Variants in C5orf22 observed in about 807,000 individuals in gnomAD.
C5orf22 encodes chromosome 5 open reading frame 22.
Under a neutral mutation model 48.7 loss-of-function variants are expected in C5orf22, and 36 were observed. The observed-to-expected ratio is 0.74, with a 90% CI of 0.57 to 0.98. The LOEUF (loss-of-function observed/expected upper bound fraction) is 0.98. C5orf22 is among the 50% of genes least tolerant of loss of function. C5orf22 has a pLI of 0.00. For missense variants in C5orf22, 486 were observed against 521.9 expected, an observed-to-expected ratio of 0.93 and a Z score of 0.67; for synonymous variants, 141 against 180.8, an observed-to-expected ratio of 0.78 and a Z score of 1.76.
At chr5:31,537,205 T>C (rs1742149102) in intron 3 of C5orf22, among the ~76,000 whole-genome samples, 1 of 152,190 alleles carries the variant, frequency 6.6e-6, no homozygotes, top group Non-Finnish European at 1.5e-5. Context: ...ACACAGACAT[T>C]TGAAACTCCA....
intron 8 of C5orf22, 67 bp downstream of exon 8, chr5:31,551,499 A>G: frequency 8.1e-7 from 1 of 1,237,684 alleles, no homozygotes; most frequent in South Asian, 1.3e-5. Context: ...GAACCTGTGA[A>G]TATGTTACAT....
At chr5:31,545,746 C>G (rs772490652) in intron 7 of C5orf22, 34 bp downstream of exon 7, 2 of 1,393,848 alleles carry the variant, frequency 1.4e-6, no homozygotes, top group South Asian at 2.5e-5. Flanking sequence ...AAAATTGACC[C>G]TTTGTAAAGA....
intron 3 of C5orf22, 63 bp downstream of exon 3, chr5:31,535,956 TATA>T: frequency 3.3e-6 from 5 of 1,500,600 alleles, no homozygotes; most frequent in Non-Finnish European, 4.6e-6. Flanking sequence ...TTTGGATTCC[TATA>T]ATAACTTCAT....
At chr5:31,537,213 C>G (rs1742150017) in intron 3 of C5orf22, among the ~76,000 whole-genome samples, 1 of 152,120 alleles carries the variant, frequency 6.6e-6, no homozygotes, top group Non-Finnish European at 1.5e-5. Flanking sequence ...ATTTGAAACT[C>G]CACGTGTGAT....
intron 4 of C5orf22, among the ~76,000 whole-genome samples, chr5:31,540,346 T>C (rs372795699): frequency 1.2e-4 from 18 of 152,320 alleles, no homozygotes; most frequent in African/African-American, 4.3e-4. Context: ...TGGATCCATG[T>C]AGCTGTGCTA....
chr5:31,547,819 C>T (rs535399374), intron 7 of C5orf22, among the ~76,000 whole-genome samples: 1 of 152,334 alleles, frequency 6.6e-6, no homozygotes, highest in African/African-American at 2.4e-5. Context: ...GGAGGGGCTA[C>T]CGCAAAGGTC....
At chr5:31,546,715 A>G (rs371284533) in intron 7 of C5orf22, among the ~76,000 whole-genome samples, 18 of 152,082 alleles carry the variant, frequency 1.2e-4, no homozygotes, top group African/African-American at 4.3e-4. Flanking sequence ...AAACTGTGAG[A>G]TCTCGTGAGA....
At chr5:31,535,960 A>G (rs955237758) in intron 3 of C5orf22, 67 bp downstream of exon 3, 1 of 1,477,242 alleles carries the variant, frequency 6.8e-7, no homozygotes. Flanking sequence ...GATTCCTATA[A>G]TAACTTCATA....
At chr5:31,541,599 G>C (rs1469846305) in intron 6 of C5orf22, among the ~76,000 whole-genome samples, 197 bp downstream of exon 6, 2 of 144,198 alleles carry the variant, frequency 1.4e-5, no homozygotes, top group African/African-American at 5.2e-5. Context: ...CTAAAAAAAG[G>C]TTTTTTAATT....
At position 31,534,224 on chromosome 5, in the gene C5orf22, C is replaced by T. The variant is rs1741938023; in HGVS notation, c.82-48C>T. 4 of 1,515,532 alleles carry T rather than the reference C, an allele frequency of 2.6e-6. No individual in the cohort carries two copies. The Admixed American group carries it at 5.6e-5, about 21-fold the overall frequency. 93.9% of individuals were successfully genotyped at this position (1,515,532 alleles called of 1,614,324 possible). A position where few individuals can be genotyped will look rare whatever the true frequency, so the allele number is the denominator to read the frequency against. On this transcript the variant is annotated intron_variant, in intron 1 of 8. Transcript: ENST00000325366. ...TTTTCAGTCTGCAGTTGAGTGTGTG[C>T]TCATGGTTTCAGTGTTAATTCTTAT...
At chr5:31,545,740 T>C (rs779445603) in intron 7 of C5orf22, 28 bp downstream of exon 7, 11 of 1,462,342 alleles carry the variant, frequency 7.5e-6, no homozygotes, top group South Asian at 4.8e-5. Flanking sequence ...ATGTGTAAAA[T>C]TGACCCTTTG....
intron 5 of C5orf22, 124 bp downstream of exon 5, chr5:31,541,135 T>C: frequency 1.0e-6 from 1 of 973,462 alleles, no homozygotes; most frequent in Non-Finnish European, 1.6e-6. Context: ...TGTGTGTGTG[T>C]GTGTGTGTGT....
intron 7 of C5orf22, 57 bp downstream of exon 7, chr5:31,545,769 T>G: frequency 8.8e-7 from 1 of 1,135,024 alleles, no homozygotes; most frequent in Non-Finnish European, 1.3e-6. Flanking sequence ...ATTTTCTGGG[T>G]AGAAGAATTT....
intron 7 of C5orf22, chr5:31,548,708 C>T (rs1178782925): frequency 5.6e-6 from 2 of 354,132 alleles, no homozygotes; most frequent in Admixed American, 3.2e-5. Flanking sequence ...AACAGTGCTC[C>T]ACTCTACTGG....
At chr5:31,543,980 T>C (rs150737300) in intron 6 of C5orf22, among the ~76,000 whole-genome samples, 56 of 152,070 alleles carry the variant, frequency 3.7e-4, no homozygotes, top group African/African-American at 1.3e-3. Context: ...AAAGGAAAAG[T>C]AGATGACACT....
intron 3 of C5orf22, among the ~76,000 whole-genome samples, chr5:31,537,884 A>G (rs1426329552): frequency 1.3e-5 from 2 of 152,146 alleles, no homozygotes; most frequent in African/African-American, 4.8e-5. Flanking sequence ...TTTTTGCACC[A>G]CCGTCTCTAG....
chr5:31,541,088 T>G, intron 5 of C5orf22, 77 bp downstream of exon 5: 1 of 1,208,984 alleles, frequency 8.3e-7, no homozygotes, highest in South Asian at 1.3e-5. Context: ...ACCACAGTGA[T>G]CTCAAAGACT....
chr5:31,538,562 A>C lies in C5orf22; in HGVS notation c.680A>C (p.Gln227Pro), dbSNP rs1447301422. 6.2e-7 allele frequency: 1 copy of C among 1,613,994 alleles called. No homozygotes were observed. The highest frequency in any genetic ancestry group is 1.3e-5 in the African/African-American group (1 of 74,932). ...TCATGTTCATGTTCTTCTGAAAATC[A>C]GGAATGCCAGACTGCTGCCAGCACT... ...EPSCSCSSENQECQTAASTGE... is the reference protein window; with the variant it reads ...EPSCSCSSENPECQTAASTGE... The change falls in exon 4 of 9, where the codon CAG (glutamine) becomes CCG (proline). Residue 227 changes from glutamine (Q) to proline (P), a missense_variant. This residue lies in a region of C5orf22 where 408 missense variants were observed against 444.0 expected (regional missense o/e 0.92). Transcript: ENST00000325366.
chr5:31,544,445 G>A (rs1268108550), intron 6 of C5orf22, among the ~76,000 whole-genome samples: 5 of 151,812 alleles, frequency 3.3e-5, no homozygotes, highest in Non-Finnish European at 5.9e-5. Flanking sequence ...TTAGCCGGGC[G>A]TGGTGGCGGG....
Sources: gnomAD v4.1 joint callset for allele counts (sites outside exome capture counted in the v4.1 genomes callset) on GRCh38, gnomAD v4.1.1 for gene constraint, gnomAD v4.1.1 regional missense constraint, MANE v1.5 for transcripts, NCBI Gene and HGNC (gene_info 2026-07-23, HGNC 2026-07-21) for gene names.